Variants in ATAT1 observed in about 807,000 individuals in gnomAD.
ATAT1 encodes the protein alpha tubulin acetyltransferase 1.
In ATAT1, 42 loss-of-function variants were observed where a neutral mutation model predicts 57.2. The observed-to-expected ratio is 0.73, with a 90% CI of 0.57 to 0.95. The LOEUF (loss-of-function observed/expected upper bound fraction) is 0.95, where lower values mean the gene tolerates loss of function less well. Ranked by LOEUF, ATAT1 falls within the 40% of genes least tolerant of loss-of-function variation. ATAT1 has a pLI of 0.00. For synonymous variants in ATAT1, 168 were observed against 187.1 expected (o/e 0.90, Z 0.83); for missense variants, 454 against 523.7 (o/e 0.87, Z 1.30).
At chr6:30,638,162 C>A (rs1446493344) in intron 6 of ATAT1, among the ~76,000 whole-genome samples, 1 of 152,004 alleles carries the variant, frequency 6.6e-6, no homozygotes, top group Non-Finnish European at 1.5e-5. Flanking sequence ...CAGGCTTGAG[C>A]CACTGGGCCC....
Position 30,642,841 on chromosome 6 carries a change from A to ACCCCCCCCC in ATAT1, c.769_770insCCCCCCCCC (p.Pro254_Pro256dup). On this transcript the variant is annotated inframe_insertion, in exon 10 of 13. Coordinates refer to ENST00000330083, the MANE Select transcript of ATAT1 (RefSeq NM_001031722.4). Reference sequence around the variant, plus strand: ...GCCGCGCCACACCTCCAGCCCACCCACCCCCCCGCTCCAGCAGCCTGGGAA... The same window carrying ACCCCCCCCC: ...GCCGCGCCACACCTCCAGCCCACCCACCCCCCCCCCCCCCCCGCTCCAGCAGCCTGGGAA... The ACCCCCCCCC allele has an allele frequency of 1.0e-5, 3 of 296,298 alleles. No homozygotes were observed. The highest frequency in any genetic ancestry group is 6.5e-5 in the South Asian group (2 of 30,952). The allele number at this position is 296,298 out of a possible 1,614,324, so 18.4% of individuals were successfully genotyped here.
At chr6:30,645,859 T>A (rs1159714420) in intron 10 of ATAT1, 36 bp from the exon 11 acceptor site, 2 of 1,427,096 alleles carry the variant, frequency 1.4e-6, no homozygotes, top group Non-Finnish European at 1.9e-6. Context: ...TTTCATCCAG[T>A]AGCCTCCTCC....
intron 6 of ATAT1, among the ~76,000 whole-genome samples, chr6:30,632,031 A>C (rs1316615855): frequency 6.6e-6 from 1 of 151,412 alleles, no homozygotes; most frequent in Non-Finnish European, 1.5e-5. Flanking sequence ...AGATCAGGCC[A>C]GGGGTGGCGA....
In ATAT1 at chr6:30,646,711, C is replaced by T. The variant is rs1766799134; in HGVS notation, c.*68C>T. On this transcript the variant is annotated 3_prime_UTR_variant, in exon 13 of 13. Transcript: ENST00000330083. ...ACTACAGGAAAGAGCCAAAGCCCAA[C>T]CCTCATAATAGATGGATACATTCAT... 15 of 1,439,294 alleles carry T rather than the reference C, an allele frequency of 1.0e-5. No homozygotes were observed. Among genetic ancestry groups the T allele is most frequent in the Middle Eastern group, 2.3e-4 (1 of 4,334 alleles). The allele number at this position is 1,439,294 out of a possible 1,614,324, so 89.2% of individuals were successfully genotyped here.
chr6:30,644,421 C>T (rs753562572), intron 10 of ATAT1: 31 of 985,804 alleles, frequency 3.1e-5, no homozygotes, highest in Non-Finnish European at 3.6e-5. Flanking sequence ...TCCTTCCTCT[C>T]TCCTTTCCTC....
Position 30,642,916 on chromosome 6 carries a change from G to A in ATAT1, c.837G>A (p.Leu279=). The stretch of plus-strand genomic sequence containing the variant: ...GCCCCTTTGTGCCAGAGCAGGAGCT[G>A]CTGCGTTCCTTGCGCCTCTGCCCCC... The change falls in exon 10 of 13, where the codon CTG becomes CTA. Residue 279 remains leucine (L), a synonymous_variant. Coordinates refer to ENST00000330083, the MANE Select transcript of ATAT1 (RefSeq NM_001031722.4). 6.2e-7 allele frequency: 1 copy of A among 1,611,944 alleles called. No individual in the cohort carries two copies. The highest frequency in any genetic ancestry group is 8.5e-7 in the Non-Finnish European group (1 of 1,179,524).
Position 30,642,833 on chromosome 6 carries a change from GCCCACCC to G in ATAT1, c.755_761del (p.Ala252AspfsTer65). 1 of 1,537,872 alleles carries G rather than the reference GCCCACCC, an allele frequency of 6.5e-7. No individual in the cohort carries two copies. The stretch of plus-strand genomic sequence containing the variant: ...GGCCCCTCGCCGCGCCACACCTCCA[GCCCACCC>G]ACCCCCCCGCTCCAGCAGCCTGGGA... On this transcript the variant is annotated frameshift_variant, in exon 10 of 13. Transcript: ENST00000330083. LOFTEE classifies it high-confidence loss of function.
In ATAT1 at chr6:30,641,568, G is replaced by T. The variant is rs1000335289; in HGVS notation, c.617-608G>T. Among the ~76,000 whole-genome samples the T allele has an allele frequency of 4.6e-5, 7 of 152,158 alleles. No individual in the cohort carries two copies. The East Asian group carries it at 1.3e-3, about 29-fold the overall frequency. ...CCGGGAGCAAGTAGAGAAGTGAGGAGGGGGAGGCTGAACTTTGGACATTAC... is the reference window on the plus strand; with the variant it reads ...CCGGGAGCAAGTAGAGAAGTGAGGATGGGGAGGCTGAACTTTGGACATTAC... On this transcript the variant is annotated intron_variant, in intron 8 of 12. Transcript: ENST00000330083.
At chr6:30,630,405 G>A (rs1021206407) in intron 6 of ATAT1, among the ~76,000 whole-genome samples, 1 of 152,308 alleles carries the variant, frequency 6.6e-6, no homozygotes, top group East Asian at 1.9e-4. Context: ...GGAGGCTGAC[G>A]TGGGCGAATC....
chr6:30,646,111 TG>T lies in ATAT1; in HGVS notation c.1055+3del. 1 of 1,607,748 alleles carries T rather than the reference TG, an allele frequency of 6.2e-7. No homozygotes were observed. On this transcript the variant is annotated splice_donor_region_variant and intron_variant, in intron 12 of 12. Transcript: ENST00000330083. ...GGGAGAACAGGAAACAAAGAATAGG[TG>T]AGGTCTAAACCCCTCCCCTAACAGC...
At position 30,628,315 on chromosome 6, in the gene ATAT1, C is replaced by T; in HGVS notation, c.400-14C>T. The T allele has an allele frequency of 6.2e-7, 1 of 1,611,726 alleles. No individual in the cohort carries two copies. The highest frequency in any genetic ancestry group is 8.5e-7 in the Non-Finnish European group (1 of 1,178,868). On this transcript the variant is annotated splice_polypyrimidine_tract_variant and intron_variant, in intron 5 of 12. Coordinates refer to ENST00000330083, the MANE Select transcript of ATAT1 (RefSeq NM_001031722.4). ...CCATACTTCCTCCTACCCTGAGTCT[C>T]CTTTTCCCTGCAGAAGGAGCGAGTG...
chr6:30,629,283 G>A (rs989202869), intron 6 of ATAT1, among the ~76,000 whole-genome samples: 24 of 143,822 alleles, frequency 1.7e-4, no homozygotes, highest in African/African-American at 6.0e-4. Flanking sequence ...TTGCTCCATC[G>A]TCCAGGCTGG....
intron 12 of ATAT1, 42 bp downstream of exon 12, chr6:30,646,151 C>T: frequency 6.3e-7 from 1 of 1,592,860 alleles, no homozygotes; most frequent in Non-Finnish European, 8.5e-7. Context: ...CCACCACCAT[C>T]TGACTCCCTT....
At chr6:30,633,861 C>T (rs1763432749) in intron 6 of ATAT1, 2 of 170,128 alleles carry the variant, frequency 1.2e-5, no homozygotes, top group South Asian at 1.8e-4. Context: ...GAGATGAAAA[C>T]GAAGCAGCTG....
Position 30,642,833 on chromosome 6 carries a change from G to GGTCCCCCCCCCCCCC in ATAT1, c.754_755insGTCCCCCCCCCCCCC (p.Ala252delinsGlyProProProProPro). 6.5e-7 allele frequency: 1 copy of GGTCCCCCCCCCCCCC among 1,537,878 alleles called. No individual in the cohort carries two copies. Among genetic ancestry groups the GGTCCCCCCCCCCCCC allele is most frequent in the South Asian group, 1.2e-5 (1 of 86,358 alleles). On this transcript the variant is annotated protein_altering_variant, in exon 10 of 13. Transcript: ENST00000330083. ...GGCCCCTCGCCGCGCCACACCTCCA[G>GGTCCCCCCCCCCCCC]CCCACCCACCCCCCCGCTCCAGCAG...
At chr6:30,645,768 G>C (rs1208893606) in intron 10 of ATAT1, 127 bp from the exon 11 acceptor site, 2 of 665,356 alleles carry the variant, frequency 3.0e-6, no homozygotes, top group Non-Finnish European at 4.7e-6. Context: ...AAACCTGTTA[G>C]GAATGATAAT....
Position 30,646,778 on chromosome 6 carries a change from G to A in ATAT1, c.*135G>A. The A allele has an allele frequency of 7.6e-7, 1 of 1,318,112 alleles. No homozygotes were observed. Among genetic ancestry groups the A allele is most frequent in the South Asian group, 1.8e-5 (1 of 56,988 alleles). 81.7% of individuals were successfully genotyped at this position (1,318,112 alleles called of 1,614,324 possible). On this transcript the variant is annotated 3_prime_UTR_variant, in exon 13 of 13. Transcript: ENST00000330083. ...CAGGCTTATCAGATTCAAGTCATTTGTATCTTTTAACCAGACCAATAAAAG... is the reference window on the plus strand; with the variant it reads ...CAGGCTTATCAGATTCAAGTCATTTATATCTTTTAACCAGACCAATAAAAG...
Position 30,642,833 on chromosome 6 carries a change from G to GGGGGGGGGCGGC in ATAT1, c.754_755insGGGGGGGGCGGC (p.Ala252delinsGlyGlyGlyArgPro). The GGGGGGGGGCGGC allele has an allele frequency of 6.5e-7, 1 of 1,537,872 alleles. No individual in the cohort carries two copies. Among genetic ancestry groups the GGGGGGGGGCGGC allele is most frequent in the Non-Finnish European group, 8.7e-7 (1 of 1,145,778 alleles). ...GGCCCCTCGCCGCGCCACACCTCCAGCCCACCCACCCCCCCGCTCCAGCAG... is the reference window on the plus strand; with the variant it reads ...GGCCCCTCGCCGCGCCACACCTCCAGGGGGGGGGCGGCCCCACCCACCCCCCCGCTCCAGCAG... On this transcript the variant is annotated protein_altering_variant, in exon 10 of 13. Transcript: ENST00000330083.
Position 30,646,616 on chromosome 6 carries a change from G to A in ATAT1, c.1203G>A (p.Gln401=). 6.4e-7 allele frequency: 1 copy of A among 1,571,938 alleles called. No individual in the cohort carries two copies. The highest frequency in any genetic ancestry group is 1.9e-5 in the Admixed American group (1 of 53,816). The change falls in exon 13 of 13, where the codon CAG becomes CAA. Residue 401 remains glutamine (Q), a synonymous_variant. Coordinates refer to ENST00000330083, the MANE Select transcript of ATAT1 (RefSeq NM_001031722.4). ...ACGCCAGGTTCATTCGAAACCTGCA[G>A]GAACGTCGCAGCACCAGGCCTTGGT...
Sources: allele counts gnomAD v4.1 joint callset (sites outside exome capture counted in the v4.1 genomes callset), GRCh38; gene constraint gnomAD v4.1.1; transcripts MANE v1.5; gene names NCBI Gene and HGNC (gene_info 2026-07-23, HGNC 2026-07-21).